Variants in MITF observed in about 807,000 individuals in gnomAD.
MITF encodes the protein melanocyte inducing transcription factor.
MITF carries 17 observed loss-of-function variants against 60.5 expected under a neutral mutation model. The ratio of observed to expected loss-of-function variants is 0.28; its 90% CI spans 0.19 to 0.42. The LOEUF (loss-of-function observed/expected upper bound fraction) is 0.42. Among genes scored for constraint, MITF ranks in the 10% least tolerant of loss-of-function variants. MITF has a pLI of 1.00. For synonymous variants in MITF, 260 were observed against 248.5 expected (o/e 1.05, Z -0.43); for missense variants, 622 against 683.5 (o/e 0.91, Z 1.00).
rs1409648436 is a variant in MITF at position 69,866,139 on chromosome 3, G to A, written c.105-12995G>A. The A allele has an allele frequency of 4.2e-6, 6 of 1,440,074 alleles. No homozygotes were observed. The African/African-American group carries it at 4.3e-5, about 10-fold the overall frequency. 89.2% of individuals were successfully genotyped at this position (1,440,074 alleles called of 1,614,324 possible). Reference sequence around the variant, plus strand: ...TTAAACAGGTCTGCTGTTGCAGACAGAAACCAGGCACCGTTCTAGCACAGA... The same window carrying A: ...TTAAACAGGTCTGCTGTTGCAGACAAAAACCAGGCACCGTTCTAGCACAGA... On this transcript the variant is annotated intron_variant, in intron 1 of 9. Coordinates refer to ENST00000352241, the MANE Select transcript of MITF (RefSeq NM_001354604.2).
rs147991331 is a variant in MITF, at chr3:69,746,443, G to GA, written c.104+6751dup. ...TTGGCAGTATTAGGATAAATAATAG[G>GA]AAAAAAAAATCCTTGGCTACTTTCT... On this transcript the variant is annotated intron_variant, in intron 1 of 9. Coordinates refer to ENST00000352241, the MANE Select transcript of MITF (RefSeq NM_001354604.2). 2.8e-4 allele frequency among the ~76,000 whole-genome samples: 42 copies of GA among 150,998 alleles called. No homozygotes were observed. In the South Asian group the frequency reaches 2.9e-3, roughly 11 times the overall value.
chr3:69,889,606 T>G (rs1485223641), intron 2 of MITF, among the ~76,000 whole-genome samples: 2 of 152,104 alleles, frequency 1.3e-5, no homozygotes, highest in African/African-American at 4.8e-5. Context: ...TTTTCACATT[T>G]TTTCCTAAGT....
At chr3:69,896,901 G>A (rs548133635) in intron 2 of MITF, among the ~76,000 whole-genome samples, 7 of 152,284 alleles carry the variant, frequency 4.6e-5, no homozygotes, top group East Asian at 3.9e-4. Flanking sequence ...GGTGAGGGAC[G>A]TATCCCTGTA....
At chr3:69,806,070 A>G (rs1189789573) in intron 1 of MITF, among the ~76,000 whole-genome samples, 1 of 151,510 alleles carries the variant, frequency 6.6e-6, no homozygotes, top group East Asian at 2.0e-4. Context: ...GGTCCACGGT[A>G]TCTGTTAGCA....
At chr3:69,768,998 C>T (rs1486010173) in intron 1 of MITF, among the ~76,000 whole-genome samples, 3 of 152,130 alleles carry the variant, frequency 2.0e-5, no homozygotes, top group Non-Finnish European at 4.4e-5. Flanking sequence ...TAGGACTGTT[C>T]TAGGTTTGAA....
intron 2 of MITF, among the ~76,000 whole-genome samples, chr3:69,912,380 C>A (rs1264631521): frequency 1.3e-5 from 2 of 151,980 alleles, no homozygotes; most frequent in Non-Finnish European, 2.9e-5. Context: ...AGAACAATGA[C>A]TATTCTATCA....
intron 2 of MITF, among the ~76,000 whole-genome samples, chr3:69,918,414 A>ATATC (rs1342496051): frequency 6.6e-6 from 1 of 152,198 alleles, no homozygotes; most frequent in African/African-American, 2.4e-5. Flanking sequence ...GGATGACAAG[A>ATATC]TGAATTCAAT....
chr3:69,917,684 A>G (rs1001973412), intron 2 of MITF, among the ~76,000 whole-genome samples: 1 of 152,148 alleles, frequency 6.6e-6, no homozygotes, highest in African/African-American at 2.4e-5. Flanking sequence ...CAAGAATCGT[A>G]AAATGTAATT....
chr3:69,938,157 T>A (rs1346002588), intron 3 of MITF, 108 bp downstream of exon 3: 1 of 1,283,732 alleles, frequency 7.8e-7, no homozygotes, highest in Non-Finnish European at 1.1e-6. Context: ...TGTGGCCACA[T>A]TTACCAGCCT....
At chr3:69,860,467 G>T (rs1270299236) in intron 1 of MITF, among the ~76,000 whole-genome samples, 2 of 151,868 alleles carry the variant, frequency 1.3e-5, no homozygotes, top group Non-Finnish European at 2.9e-5. Flanking sequence ...GCGCAGTGGC[G>T]GGCGCCTGTA....
rs746223005 is a variant in MITF at position 69,959,258 on chromosome 3, C to G, written c.1032-15C>G. 3 of 1,613,674 alleles carry G rather than the reference C, an allele frequency of 1.9e-6. No homozygotes were observed. Among genetic ancestry groups the G allele is most frequent in the Non-Finnish European group, 1.7e-6 (2 of 1,179,876 alleles). ...AAATCCTAAAAATATCTGTTTTCCTCCATTTTCATCGCAGAGACATGCGCT... is the reference window on the plus strand; with the variant it reads ...AAATCCTAAAAATATCTGTTTTCCTGCATTTTCATCGCAGAGACATGCGCT... On this transcript the variant is annotated splice_polypyrimidine_tract_variant and intron_variant, in intron 8 of 9. Coordinates refer to ENST00000352241, the MANE Select transcript of MITF (RefSeq NM_001354604.2).
rs529623175 is a variant in MITF at position 69,968,116 on chromosome 3, T to C, written c.*2868T>C. On this transcript the variant is annotated 3_prime_UTR_variant, in exon 10 of 10. Coordinates refer to ENST00000352241, the MANE Select transcript of MITF (RefSeq NM_001354604.2). ...TGCACTGGGAAAAAGTTGATGTCAATAACAGTATAAAACAGCCCTATTTCT... is the reference window on the plus strand; with the variant it reads ...TGCACTGGGAAAAAGTTGATGTCAACAACAGTATAAAACAGCCCTATTTCT... 23 of 233,376 alleles carry C rather than the reference T, an allele frequency of 9.9e-5. No individual in the cohort carries two copies. Among genetic ancestry groups the C allele is most frequent in the Admixed American group, 2.3e-4 (4 of 17,776 alleles). The allele number at this position is 233,376 out of a possible 1,614,324, so 14.5% of individuals were successfully genotyped here.
intron 1 of MITF, among the ~76,000 whole-genome samples, chr3:69,851,704 A>T (rs751064289): frequency 2.6e-5 from 4 of 152,168 alleles, no homozygotes; most frequent in Admixed American, 6.5e-5. Flanking sequence ...TTTTGAGGTG[A>T]TGGAACTGTT....
chr3:69,795,179 TGC>T, intron 1 of MITF, among the ~76,000 whole-genome samples: 1 of 152,224 alleles, frequency 6.6e-6, no homozygotes, highest in South Asian at 2.1e-4. Flanking sequence ...AATGTTTTGA[TGC>T]TGTTGTAAAT....
Position 69,953,599 on chromosome 3 carries a change from AT to A in MITF, c.955+1714del, listed in dbSNP as rs570262644. Among the ~76,000 whole-genome samples, 133 of 148,646 alleles carry A rather than the reference AT, an allele frequency of 8.9e-4. 1 individual carries two copies. The highest frequency in any genetic ancestry group is 3.1e-3 in the African/African-American group (128 of 40,682). On this transcript the variant is annotated intron_variant, in intron 7 of 9. Transcript: ENST00000352241. Reference sequence around the variant, plus strand: ...TGTGTGTATGTGTGTATATATATATATGTATGTATATGTATATATATATATG... The same window carrying A: ...TGTGTGTATGTGTGTATATATATATAGTATGTATATGTATATATATATATG...
chr3:69,886,994 T>C (rs1467791066), intron 2 of MITF, among the ~76,000 whole-genome samples: 1 of 152,098 alleles, frequency 6.6e-6, no homozygotes, highest in African/African-American at 2.4e-5. Flanking sequence ...ACTCACACAC[T>C]TTTGATATCA....
intron 1 of MITF, among the ~76,000 whole-genome samples, chr3:69,750,372 A>T (rs1057224763): frequency 2.1e-5 from 3 of 142,998 alleles, no homozygotes; most frequent in Non-Finnish European, 4.5e-5. Flanking sequence ...AGAGGAAACT[A>T]TAGAGCTTTC....
At chr3:69,828,112 T>A (rs1048779307) in intron 1 of MITF, among the ~76,000 whole-genome samples, 10 of 109,076 alleles carry the variant, frequency 9.2e-5, no homozygotes, top group African/African-American at 2.8e-4. Context: ...AGTAAATCAG[T>A]CAGTATTGAC....
chr3:69,780,195 A>G (rs2062541458), intron 1 of MITF, among the ~76,000 whole-genome samples: 1 of 152,176 alleles, frequency 6.6e-6, no homozygotes, highest in African/African-American at 2.4e-5. Flanking sequence ...AAACGATGTT[A>G]GGCTGGACGA....
Sources: gnomAD v4.1 joint callset for allele counts (sites outside exome capture counted in the v4.1 genomes callset) on GRCh38, gnomAD v4.1.1 for gene constraint, MANE v1.5 for transcripts, NCBI Gene and HGNC (gene_info 2026-07-23, HGNC 2026-07-21) for gene names.